Variants in ATRX observed in about 807,000 individuals in gnomAD.
The protein encoded by ATRX is chromatin remodeler ATRX.
ATRX carries 12 observed loss-of-function variants against 172.6 expected under a neutral mutation model. That is an observed-to-expected ratio of 0.07 (90% CI 0.04 to 0.11). The LOEUF is 0.11. Among genes scored for constraint, ATRX ranks in the 10% least tolerant of loss-of-function variants. ATRX has a pLI of 1.00. For synonymous variants in ATRX, 674 were observed against 594.7 expected, an observed-to-expected ratio of 1.13 and a Z score of -1.94; for missense variants, 1,368 against 1,767.4, an observed-to-expected ratio of 0.77 and a Z score of 4.05.
intron 1 of ATRX, among the ~76,000 whole-genome samples, chrX:77,760,343 C>T (rs1463744233): frequency 9.4e-6 from 1 of 106,213 alleles, no homozygotes; most frequent in Non-Finnish European, 1.9e-5. Context: ...AAATTTCATT[C>T]TCAGTAAACT....
chrX:77,705,693 G>A (rs782251667), intron 2 of ATRX, among the ~76,000 whole-genome samples: 1 of 112,260 alleles, frequency 8.9e-6, no homozygotes, highest in South Asian at 3.7e-4. Flanking sequence ...CAGAAACATA[G>A]TGAAACCTCA....
intron 30 of ATRX, among the ~76,000 whole-genome samples, chrX:77,524,129 T>G (rs1363269983): frequency 8.9e-6 from 1 of 111,872 alleles, no homozygotes; most frequent in African/African-American, 3.2e-5. Context: ...CTCTGTTTAA[T>G]TATGACTGTG....
intron 1 of ATRX, among the ~76,000 whole-genome samples, chrX:77,753,285 T>A (rs1879224501): frequency 8.9e-6 from 1 of 111,779 alleles, no homozygotes; most frequent in African/African-American, 3.2e-5. Flanking sequence ...CTGATGGTAG[T>A]CTGTATTTCT....
chrX:77,519,946 C>A (rs1411328790), intron 34 of ATRX, among the ~76,000 whole-genome samples: 10 of 111,866 alleles, frequency 8.9e-5, no homozygotes, highest in Admixed American at 7.6e-4. Context: ...ATATGTGGTA[C>A]ATATATACAA....
intron 12 of ATRX, among the ~76,000 whole-genome samples, chrX:77,659,447 C>T (rs1263818698): frequency 9.5e-6 from 1 of 105,079 alleles, no homozygotes; most frequent in African/African-American, 3.5e-5. Context: ...TTATTGTTAG[C>T]AGTTTACCAC....
At chrX:77,775,790 G>A (rs996640309) in intron 1 of ATRX, among the ~76,000 whole-genome samples, 5 of 110,770 alleles carry the variant, frequency 4.5e-5, no homozygotes, top group South Asian at 3.7e-4. Context: ...GCCGGAGTGC[G>A]GTGGTGATAT....
chrX:77,688,743 T>C (rs1336880637), intron 7 of ATRX, 75 bp downstream of exon 7: 2 of 830,405 alleles, frequency 2.4e-6, no homozygotes, highest in Non-Finnish European at 3.6e-6. Context: ...TCTTCAAGAC[T>C]GTGCCCTCAA....
At chrX:77,734,418 A>G (rs2074444158) in intron 1 of ATRX, among the ~76,000 whole-genome samples, 1 of 109,857 alleles carries the variant, frequency 9.1e-6, no homozygotes. Flanking sequence ...ACTCTGTCTC[A>G]AAAAAAATAA....
At chrX:77,751,307 G>C (rs782778159) in intron 1 of ATRX, among the ~76,000 whole-genome samples, 1 of 112,081 alleles carries the variant, frequency 8.9e-6, no homozygotes, top group Non-Finnish European at 1.9e-5. Flanking sequence ...TTTCACATTT[G>C]TTGGCCACAT....
chrX:77,508,446 G>A lies in ATRX; in HGVS notation c.7384C>T (p.Pro2462Ser), dbSNP rs1161899862. The change falls in exon 35 of 35, where the codon CCA becomes TCA. Residue 2462 changes from proline to serine, a missense_variant. Physicochemically the swap from Pro to Ser is moderately conservative, Grantham distance 74. Transcript: ENST00000373344. Reference protein sequence around the residue: ...QQIDMRGMYQPVAGGMQPPPL... With the variant: ...QQIDMRGMYQSVAGGMQPPPL... ...GGTGGCTGCATACCACCAGCCACTGGCTGATACATTCCTCTCATATCAATC... is the reference window on the plus strand; with the variant it reads ...GGTGGCTGCATACCACCAGCCACTGACTGATACATTCCTCTCATATCAATC... 1 of 1,211,588 alleles carries A rather than the reference G, an allele frequency of 8.3e-7. No individual in the cohort carries two copies. Among genetic ancestry groups the A allele is most frequent in the Non-Finnish European group, 1.1e-6 (1 of 895,370 alleles).
chrX:77,581,831 C>G (rs1215986498), intron 27 of ATRX, among the ~76,000 whole-genome samples: 1 of 112,189 alleles, frequency 8.9e-6, no homozygotes. Flanking sequence ...CAAGTATCTT[C>G]TCTCACCACA....
Position 77,767,047 on chromosome X carries a change from A to G in ATRX, c.20+18935T>C, listed in dbSNP as rs1310642868. Reference sequence around the variant, plus strand: ...AGCCCGGCCAACACAGCGAAACCCCATCTCCACCAAAAAAATACGAAAACC... The same window carrying G: ...AGCCCGGCCAACACAGCGAAACCCCGTCTCCACCAAAAAAATACGAAAACC... On this transcript the variant is annotated intron_variant, in intron 1 of 34. Coordinates refer to ENST00000373344, the MANE Select transcript of ATRX (RefSeq NM_000489.6). Among the ~76,000 whole-genome samples, 12 of 109,769 alleles carry G rather than the reference A, an allele frequency of 1.1e-4. No individual in the cohort carries two copies. In the East Asian group the frequency reaches 1.2e-3, roughly 11 times the overall value.
intron 15 of ATRX, among the ~76,000 whole-genome samples, chrX:77,645,912 T>C (rs1489273615): frequency 8.9e-6 from 1 of 111,781 alleles, no homozygotes; most frequent in East Asian, 2.8e-4. Context: ...CTCATAACTT[T>C]AGGATGTTAT....
intron 7 of ATRX, among the ~76,000 whole-genome samples, chrX:77,685,650 A>C (rs2071510469): frequency 9.0e-6 from 1 of 111,582 alleles, no homozygotes; most frequent in African/African-American, 3.3e-5. Flanking sequence ...AAAAAACTAA[A>C]AATTGAGATA....
In ATRX at chrX:77,600,740, C is replaced by G. The variant is rs2066643339; in HGVS notation, c.5567-176G>C. ...AAAACAAATAGGATTACAAAAGAAA[C>G]CCATCATATAGAAATTATCAAAATA... On this transcript the variant is annotated intron_variant, in intron 22 of 34. Transcript: ENST00000373344. The G allele has an allele frequency of 7.1e-6, 3 of 421,398 alleles. No individual in the cohort carries two copies. In the South Asian group the frequency reaches 1.2e-4, roughly 17 times the overall value. The allele number at this position is 421,398 out of a possible 1,213,427, so 34.7% of individuals were successfully genotyped here. A position where few individuals can be genotyped will look rare whatever the true frequency, so the allele number is the denominator to read the frequency against.
chrX:77,513,111 AC>A (rs1265463772), intron 34 of ATRX, among the ~76,000 whole-genome samples: 3 of 108,988 alleles, frequency 2.8e-5, no homozygotes, highest in Non-Finnish European at 5.7e-5. Flanking sequence ...AGGTCAGGAG[AC>A]TGAGACCATC....
intron 27 of ATRX, among the ~76,000 whole-genome samples, chrX:77,577,956 C>T (rs2065682993): frequency 8.9e-6 from 1 of 111,881 alleles, no homozygotes; most frequent in Admixed American, 9.5e-5. Flanking sequence ...AGGGGAAAGA[C>T]AATCTTGAAT....
At chrX:77,597,840 G>A (rs1376794544) in intron 25 of ATRX, among the ~76,000 whole-genome samples, 2 of 111,968 alleles carry the variant, frequency 1.8e-5, no homozygotes, top group Non-Finnish European at 3.8e-5. Context: ...TATGTTGGTG[G>A]GATTGTAAAT....
At chrX:77,524,574 T>A (rs2147770348) in intron 30 of ATRX, among the ~76,000 whole-genome samples, 1 of 110,795 alleles carries the variant, frequency 9.0e-6, no homozygotes, top group South Asian at 3.8e-4. Context: ...AGGCCCCAGG[T>A]TTTTTTTCTA....
Sources: allele counts gnomAD v4.1 joint callset (sites outside exome capture counted in the v4.1 genomes callset), GRCh38; gene constraint gnomAD v4.1.1; transcripts MANE v1.5; gene names NCBI Gene and HGNC (gene_info 2026-07-23, HGNC 2026-07-21).